PIGL: variants seen among roughly 807,000 people sequenced by gnomAD.
PIGL encodes the protein N-acetylglucosaminyl-phosphatidylinositol de-N-acetylase.
In PIGL, 22 loss-of-function variants were observed where a neutral mutation model predicts 31.1. That is an observed-to-expected ratio of 0.71 (90% CI 0.51 to 1.01). PIGL has a LOEUF of 1.01. Ranked by LOEUF, PIGL falls within the 50% of genes least tolerant of loss-of-function variation. The probability of loss-of-function intolerance (pLI) is 0.00; values close to 1 mark genes in which losing one functional copy is unlikely to be tolerated. For missense variants in PIGL, 302 were observed against 315.9 expected (o/e 0.96, Z 0.33); for synonymous variants, 131 against 117.4 (o/e 1.12, Z -0.75).
At chr17:16,260,800 CA>C (rs1174616292) in intron 2 of PIGL, among the ~76,000 whole-genome samples, 1 of 152,110 alleles carries the variant, frequency 6.6e-6, no homozygotes, top group East Asian at 1.9e-4. Context: ...AACAAAAACT[CA>C]GGACCTGCCA....
intron 2 of PIGL, among the ~76,000 whole-genome samples, chr17:16,292,763 T>C (rs532356735): frequency 1.3e-4 from 20 of 152,342 alleles, no homozygotes; most frequent in Middle Eastern, 3.4e-3. Context: ...GACCGTGTGA[T>C]GGCTCACTCC....
intron 2 of PIGL, among the ~76,000 whole-genome samples, chr17:16,243,780 G>A (rs889256925): frequency 6.6e-6 from 1 of 152,266 alleles, no homozygotes; most frequent in South Asian, 2.1e-4. Context: ...TATTGTAACC[G>A]CCCAAGGGGT....
intron 2 of PIGL, among the ~76,000 whole-genome samples, chr17:16,286,570 C>G (rs187466737): frequency 1.3e-5 from 2 of 152,126 alleles, no homozygotes; most frequent in Non-Finnish European, 2.9e-5. Flanking sequence ...TTTTAATGAA[C>G]GCTTTTAGCC....
chr17:16,247,014 TTCTTATGAGGACTC>T (rs777940496), intron 2 of PIGL, among the ~76,000 whole-genome samples: 64 of 152,176 alleles, frequency 4.2e-4, no homozygotes, highest in Non-Finnish European at 8.5e-4. Flanking sequence ...CAGGGTCACT[TTCTTATGAGGACTC>T]TCTTCCTGGC....
At chr17:16,304,171 G>A (rs1183311763) in intron 3 of PIGL, among the ~76,000 whole-genome samples, 4 of 152,096 alleles carry the variant, frequency 2.6e-5, no homozygotes, top group South Asian at 4.1e-4. Flanking sequence ...GCCATCATTC[G>A]AGCTGAGCAT....
At chr17:16,231,627 A>G (rs921104576) in intron 1 of PIGL, among the ~76,000 whole-genome samples, 2 of 152,150 alleles carry the variant, frequency 1.3e-5, no homozygotes, top group African/African-American at 4.8e-5. Flanking sequence ...GTTTACCCTT[A>G]TAAATTATGA....
At chr17:16,231,674 T>C (rs1222745191) in intron 1 of PIGL, among the ~76,000 whole-genome samples, 1 of 152,224 alleles carries the variant, frequency 6.6e-6, no homozygotes, top group African/African-American at 2.4e-5. Context: ...GTCTTTACTT[T>C]GTATTAAATG....
intron 3 of PIGL, among the ~76,000 whole-genome samples, chr17:16,312,160 G>A (rs1436283302): frequency 5.3e-5 from 8 of 150,650 alleles, no homozygotes; most frequent in South Asian, 2.1e-4. Context: ...CCTCCCTCCC[G>A]GACGGGGCGG....
intron 3 of PIGL, among the ~76,000 whole-genome samples, chr17:16,308,605 C>T (rs989543245): frequency 8.6e-5 from 13 of 151,920 alleles, no homozygotes; most frequent in African/African-American, 2.9e-4. Flanking sequence ...ACTGTAATCC[C>T]AAAATGCCTG....
chr17:16,320,202 AAAGGAAGGAAGGAAGG>A (rs199746775), intron 6 of PIGL, among the ~76,000 whole-genome samples: 2,547 of 63,322 alleles, frequency 0.04, 62 homozygotes, highest in East Asian at 0.058. Flanking sequence ...GAGAGAAAGA[AAAGGAAGGAAGGAAGG>A]AAGGAAGGAA....
At chr17:16,316,955 A>G in intron 5 of PIGL, 1 of 1,297,988 alleles carries the variant, frequency 7.7e-7, no homozygotes, top group Non-Finnish European at 9.9e-7. Flanking sequence ...CAACCTGTCT[A>G]GCTTTTTCAC....
At chr17:16,252,273 C>T (rs2092776008) in intron 2 of PIGL, among the ~76,000 whole-genome samples, 1 of 151,896 alleles carries the variant, frequency 6.6e-6, no homozygotes, top group Non-Finnish European at 1.5e-5. Context: ...GGTGTTTCAC[C>T]ATGTTGGCCA....
chr17:16,237,101 C>CTTTTT (rs71150281), intron 2 of PIGL, among the ~76,000 whole-genome samples: 9 of 58,138 alleles, frequency 1.5e-4, no homozygotes, highest in Admixed American at 4.8e-4. Flanking sequence ...CCACACCTGG[C>CTTTTT]TTTTTTTTTT....
At chr17:16,286,160 A>C (rs2142804719) in intron 2 of PIGL, among the ~76,000 whole-genome samples, 1 of 152,380 alleles carries the variant, frequency 6.6e-6, no homozygotes, top group Non-Finnish European at 1.5e-5. Context: ...TGCGCTGTAC[A>C]AGCCACAAGA....
chr17:16,236,487 C>G (rs1404334430), intron 2 of PIGL, among the ~76,000 whole-genome samples: 4 of 152,258 alleles, frequency 2.6e-5, no homozygotes, highest in African/African-American at 9.6e-5. Context: ...AGCCATTTCT[C>G]CAAAGAGCCT....
At chr17:16,320,360 GGAA>G (rs959734893) in intron 6 of PIGL, among the ~76,000 whole-genome samples, 10 of 139,522 alleles carry the variant, frequency 7.2e-5, no homozygotes, top group African/African-American at 2.4e-4. Context: ...GAAGAAGGAA[GGAA>G]GAGAGAGAGG....
At chr17:16,238,333 TTAAGA>T (rs2092708347) in intron 2 of PIGL, among the ~76,000 whole-genome samples, 1 of 151,870 alleles carries the variant, frequency 6.6e-6, no homozygotes, top group African/African-American at 2.4e-5. Flanking sequence ...GCAATTTACT[TTAAGA>T]TAATTCAGAA....
At chr17:16,223,039 G>A (rs1159590613) in intron 1 of PIGL, among the ~76,000 whole-genome samples, 1 of 152,024 alleles carries the variant, frequency 6.6e-6, no homozygotes, top group Non-Finnish European at 1.5e-5. Context: ...AAAATGAAAA[G>A]AATGCCTCGG....
At chr17:16,239,233 C>T (rs1161750136) in intron 2 of PIGL, among the ~76,000 whole-genome samples, 3 of 150,970 alleles carry the variant, frequency 2.0e-5, no homozygotes, top group Non-Finnish European at 4.4e-5. Context: ...CCTGTAATCC[C>T]AGCACTTTGG....
Sources: allele counts gnomAD v4.1 joint callset (sites outside exome capture counted in the v4.1 genomes callset), GRCh38; gene constraint gnomAD v4.1.1; transcripts MANE v1.5; gene names NCBI Gene and HGNC (gene_info 2026-07-23, HGNC 2026-07-21).